FGF12: variants seen among roughly 807,000 people sequenced by gnomAD.
FGF12 encodes fibroblast growth factor 12B.
FGF12 carries 14 observed loss-of-function variants against 23.6 expected under a neutral mutation model. The observed-to-expected ratio is 0.59, with a 90% CI of 0.39 to 0.93. FGF12 has a LOEUF of 0.93. FGF12 is among the 40% of genes least tolerant of loss of function. The probability of loss-of-function intolerance (pLI) is 0.00; values close to 1 mark genes in which losing one functional copy is unlikely to be tolerated. For missense variants in FGF12, 175 were observed against 217.8 expected, an observed-to-expected ratio of 0.80 and a Z score of 1.24; for synonymous variants, 62 against 77.3, an observed-to-expected ratio of 0.80 and a Z score of 1.04.
At chr3:192,298,401 G>C (rs1715160989) in intron 4 of FGF12, among the ~76,000 whole-genome samples, 2 of 152,184 alleles carry the variant, frequency 1.3e-5, no homozygotes, top group South Asian at 2.1e-4. Flanking sequence ...GAGTGTCTTA[G>C]TCCATTTTGT....
intron 4 of FGF12, among the ~76,000 whole-genome samples, chr3:192,251,025 A>G (rs1261082400): frequency 6.6e-6 from 1 of 152,136 alleles, no homozygotes; most frequent in African/African-American, 2.4e-5. Context: ...ACCATTGCCT[A>G]TGATTGTGGG....
intron 4 of FGF12, among the ~76,000 whole-genome samples, chr3:192,233,294 C>G (rs1719119123): frequency 6.6e-6 from 1 of 152,146 alleles, no homozygotes. Context: ...TTACATTTCT[C>G]TAATGTTAGT....
At chr3:192,509,572 G>T (rs1273115454) in intron 2 of FGF12, among the ~76,000 whole-genome samples, 1 of 152,128 alleles carries the variant, frequency 6.6e-6, no homozygotes, top group Admixed American at 6.5e-5. Flanking sequence ...TCAGAGTCTT[G>T]CAATTAAATT....
chr3:192,145,424 A>G (rs1713641336), intron 5 of FGF12, among the ~76,000 whole-genome samples: 1 of 152,198 alleles, frequency 6.6e-6, no homozygotes, highest in Non-Finnish European at 1.5e-5. Flanking sequence ...ATTTCTTCCA[A>G]CATATTCTAT....
chr3:192,262,727 A>G (rs1712834449), intron 4 of FGF12, among the ~76,000 whole-genome samples: 1 of 152,020 alleles, frequency 6.6e-6, no homozygotes, highest in Non-Finnish European at 1.5e-5. Flanking sequence ...CAGTGACAAA[A>G]TTGCCTGAGG....
chr3:192,433,891 C>G (rs548752972), intron 2 of FGF12, among the ~76,000 whole-genome samples: 2 of 152,320 alleles, frequency 1.3e-5, no homozygotes, highest in East Asian at 3.9e-4. Context: ...TGAGTCAGCA[C>G]AGTGGGCAGT....
intron 2 of FGF12, among the ~76,000 whole-genome samples, chr3:192,711,912 C>T (rs13072138): frequency 0.33 from 47,772 of 146,884 alleles, 9,381 homozygotes; most frequent in South Asian, 0.56. Context: ...TGCCAAATCC[C>T]CCTCTGCGAG....
At chr3:192,469,850 T>C (rs1723119448) in intron 2 of FGF12, among the ~76,000 whole-genome samples, 1 of 152,004 alleles carries the variant, frequency 6.6e-6, no homozygotes, top group South Asian at 2.1e-4. Flanking sequence ...GAATGAAGAG[T>C]CAGGAGATCA....
At chr3:192,719,719 T>C (rs1458139003) in intron 2 of FGF12, among the ~76,000 whole-genome samples, 2 of 151,078 alleles carry the variant, frequency 1.3e-5, no homozygotes, top group Admixed American at 1.3e-4. Context: ...TAATAAATCT[T>C]ATATAATAGT....
At chr3:192,150,268 C>T (rs1713975831) in intron 5 of FGF12, among the ~76,000 whole-genome samples, 1 of 86,826 alleles carries the variant, frequency 1.2e-5, no homozygotes, top group Non-Finnish European at 2.4e-5. Flanking sequence ...TGTAGGTTGC[C>T]TGTTCACTCT....
intron 2 of FGF12, among the ~76,000 whole-genome samples, chr3:192,538,952 G>A (rs947573816): frequency 6.6e-6 from 1 of 152,024 alleles, no homozygotes; most frequent in African/African-American, 2.4e-5. Context: ...ATTTGCTGTT[G>A]GCATATAGAA....
chr3:192,153,156 C>T (rs1209939356), intron 5 of FGF12, among the ~76,000 whole-genome samples: 39 of 19,994 alleles, frequency 2.0e-3, no homozygotes, highest in African/African-American at 4.7e-3. Flanking sequence ...TTTTTGTTTT[C>T]CATTTGCTTG....
At chr3:192,333,923 G>A (rs562890731) in intron 4 of FGF12, among the ~76,000 whole-genome samples, 1 of 152,132 alleles carries the variant, frequency 6.6e-6, no homozygotes, top group South Asian at 2.1e-4. Flanking sequence ...ATTTTACAGC[G>A]ACAGCAAATG....
intron 2 of FGF12, among the ~76,000 whole-genome samples, chr3:192,450,055 A>G (rs1441122509): frequency 6.6e-6 from 1 of 152,222 alleles, no homozygotes; most frequent in East Asian, 1.9e-4. Flanking sequence ...TGAGTTGACC[A>G]CAATTGATAC....
At chr3:192,285,044 C>T (rs937502246) in intron 4 of FGF12, among the ~76,000 whole-genome samples, 7 of 152,126 alleles carry the variant, frequency 4.6e-5, no homozygotes, top group Non-Finnish European at 8.8e-5. Flanking sequence ...ATTACAGAGA[C>T]GTATAACAAG....
intron 2 of FGF12, among the ~76,000 whole-genome samples, chr3:192,568,791 G>A (rs549199261): frequency 2.6e-5 from 4 of 152,202 alleles, no homozygotes; most frequent in South Asian, 4.1e-4. Flanking sequence ...GATACATAAC[G>A]TTATCACTGT....
intron 2 of FGF12, among the ~76,000 whole-genome samples, chr3:192,373,418 T>C (rs1719333457): frequency 2.0e-5 from 3 of 152,054 alleles, no homozygotes; most frequent in Admixed American, 2.0e-4. Flanking sequence ...CAGGTCAAGA[T>C]AGATACTTAC....
At chr3:192,658,260 T>C (rs888779568) in intron 2 of FGF12, among the ~76,000 whole-genome samples, 2 of 152,238 alleles carry the variant, frequency 1.3e-5, no homozygotes, top group African/African-American at 4.8e-5. Flanking sequence ...ACCCATGCCT[T>C]AGCAGGCTGA....
intron 4 of FGF12, chr3:192,268,645 A>C (rs764300209): frequency 4.6e-6 from 2 of 434,888 alleles, no homozygotes; most frequent in Non-Finnish European, 9.3e-6. Context: ...TTGCCATGTG[A>C]CATACCTGCT....
Sources: allele counts gnomAD v4.1 joint callset (sites outside exome capture counted in the v4.1 genomes callset), GRCh38; gene constraint gnomAD v4.1.1; transcripts MANE v1.5; gene names NCBI Gene and HGNC (gene_info 2026-07-23, HGNC 2026-07-21).